The following MICU1 variants were observed in gnomAD, a reference collection of about 807,000 sequenced individuals.
MICU1 encodes the protein calcium uptake protein 1, mitochondrial.
Under a neutral mutation model 56.8 loss-of-function variants are expected in MICU1, and 45 were observed. The observed-to-expected ratio is 0.79, with a 90% confidence interval of 0.62 to 1.02. The LOEUF (loss-of-function observed/expected upper bound fraction) is 1.02, where lower values mean the gene tolerates loss of function less well. Among genes scored for constraint, MICU1 ranks in the 50% least tolerant of loss-of-function variants. The pLI is 0.00. For synonymous variants in MICU1, 186 were observed against 195.1 expected (o/e 0.95, Z 0.39); for missense variants, 504 against 587.1 (o/e 0.86, Z 1.46).
intron 11 of MICU1, among the ~76,000 whole-genome samples, chr10:72,372,172 G>A (rs1305692278): frequency 6.6e-6 from 1 of 151,730 alleles, no homozygotes; most frequent in Non-Finnish European, 1.5e-5. Flanking sequence ...AGTTTGAGAC[G>A]AGCCTGGGCA....
At chr10:72,413,622 G>A (rs1863894224) in intron 9 of MICU1, among the ~76,000 whole-genome samples, 1 of 151,764 alleles carries the variant, frequency 6.6e-6, no homozygotes, top group South Asian at 2.1e-4. Flanking sequence ...TAATCCCAGT[G>A]ACTCAGGAGG....
At chr10:72,538,895 T>G (rs1839701092) in intron 4 of MICU1, among the ~76,000 whole-genome samples, 2 of 151,328 alleles carry the variant, frequency 1.3e-5, no homozygotes, top group African/African-American at 4.9e-5. Context: ...TGAAAGTAAG[T>G]AAAGGGAAAA....
intron 4 of MICU1, among the ~76,000 whole-genome samples, chr10:72,543,849 CAA>C (rs537050471): frequency 2.9e-5 from 4 of 135,600 alleles, no homozygotes; most frequent in Non-Finnish European, 1.6e-5. Context: ...GACCCTGTCT[CAA>C]AAAAAAAAAA....
intron 10 of MICU1, among the ~76,000 whole-genome samples, chr10:72,386,375 T>C (rs957317184): frequency 2.0e-5 from 3 of 151,992 alleles, no homozygotes; most frequent in African/African-American, 4.8e-5. Flanking sequence ...AGAGACGGGG[T>C]TTCCCCATGT....
At chr10:72,485,589 G>A (rs1395276319) in intron 6 of MICU1, among the ~76,000 whole-genome samples, 5 of 151,448 alleles carry the variant, frequency 3.3e-5, no homozygotes, top group Non-Finnish European at 5.9e-5. Context: ...TAGAGAGTAT[G>A]TCCAGGGTCA....
intron 1 of MICU1, among the ~76,000 whole-genome samples, chr10:72,579,633 A>G (rs1840845746): frequency 6.6e-6 from 1 of 152,136 alleles, no homozygotes; most frequent in Non-Finnish European, 1.5e-5. Flanking sequence ...ATATGTGTGA[A>G]TAGGCATAAG....
intron 6 of MICU1, chr10:72,501,778 C>G (rs182382421): frequency 3.3e-5 from 5 of 152,270 alleles, no homozygotes; most frequent in Non-Finnish European, 5.9e-5. Flanking sequence ...ATTCATGCCA[C>G]TGCTTATTGT....
intron 8 of MICU1, among the ~76,000 whole-genome samples, chr10:72,459,308 G>C (rs1865577626): frequency 1.3e-5 from 2 of 152,174 alleles, no homozygotes; most frequent in Non-Finnish European, 2.9e-5. Flanking sequence ...TCCAGCCTGG[G>C]CGGCAGAGCG....
chr10:72,421,057 T>G (rs533238243), intron 9 of MICU1, among the ~76,000 whole-genome samples: 1 of 136,892 alleles, frequency 7.3e-6, no homozygotes, highest in Non-Finnish European at 1.6e-5. Context: ...AAAAGAAAAA[T>G]AAAAAGAAAA....
At chr10:72,451,459 T>G (rs755839170) in intron 8 of MICU1, among the ~76,000 whole-genome samples, 4 of 152,148 alleles carry the variant, frequency 2.6e-5, no homozygotes, top group Non-Finnish European at 5.9e-5. Context: ...TCCCAAAATC[T>G]CCCATAGCTC....
intron 1 of MICU1, among the ~76,000 whole-genome samples, chr10:72,613,088 G>T (rs909378128): frequency 1.3e-5 from 2 of 151,844 alleles, no homozygotes; most frequent in Non-Finnish European, 2.9e-5. Flanking sequence ...TTTCAAACAT[G>T]CAGGAAATTT....
intron 1 of MICU1, among the ~76,000 whole-genome samples, chr10:72,621,876 C>A (rs913291312): frequency 3.3e-5 from 5 of 152,012 alleles, no homozygotes; most frequent in African/African-American, 1.2e-4. Flanking sequence ...ACTGTAAATA[C>A]AATTTTTTAT....
chr10:72,387,209 T>C (rs555354418), intron 10 of MICU1, among the ~76,000 whole-genome samples: 6 of 152,314 alleles, frequency 3.9e-5, no homozygotes, highest in South Asian at 4.1e-4. Flanking sequence ...CAAATCTGCA[T>C]GAACCCTTAG....
intron 4 of MICU1, among the ~76,000 whole-genome samples, chr10:72,545,414 T>C (rs1008143813): frequency 2.0e-5 from 3 of 152,192 alleles, no homozygotes; most frequent in African/African-American, 7.2e-5. Context: ...TTTAGGAAGA[T>C]ATAAGACATC....
At chr10:72,407,366 G>A (rs986648100) in intron 10 of MICU1, among the ~76,000 whole-genome samples, 5 of 152,152 alleles carry the variant, frequency 3.3e-5, no homozygotes, top group African/African-American at 1.2e-4. Flanking sequence ...TATTTCAACT[G>A]TTCTGAATGT....
intron 1 of MICU1, among the ~76,000 whole-genome samples, chr10:72,594,491 T>C (rs2132534164): frequency 6.6e-6 from 1 of 152,252 alleles, no homozygotes; most frequent in East Asian, 1.9e-4. Flanking sequence ...ACACTAGATT[T>C]GGCAATGATT....
chr10:72,504,586 T>C (rs1867182917), intron 6 of MICU1, among the ~76,000 whole-genome samples: 1 of 152,060 alleles, frequency 6.6e-6, no homozygotes, highest in South Asian at 2.1e-4. Flanking sequence ...TTATGAGTTA[T>C]TCCCCAAAAG....
intron 6 of MICU1, among the ~76,000 whole-genome samples, chr10:72,499,691 A>G (rs1041695074): frequency 2.0e-5 from 3 of 152,212 alleles, no homozygotes; most frequent in African/African-American, 7.2e-5. Context: ...CCCAACTCTG[A>G]TGTCCCAGTA....
intron 1 of MICU1, among the ~76,000 whole-genome samples, chr10:72,569,223 A>ATTT (rs1564939690): frequency 4.8e-4 from 19 of 39,222 alleles, no homozygotes; most frequent in African/African-American, 2.5e-3. Context: ...ATATATATAT[A>ATTT]TATATATATA....
Sources: allele counts gnomAD v4.1 joint callset (sites outside exome capture counted in the v4.1 genomes callset), GRCh38; gene constraint gnomAD v4.1.1; transcripts MANE v1.5; gene names NCBI Gene and HGNC (gene_info 2026-07-23, HGNC 2026-07-21).